Variants in MACF1 observed in about 807,000 individuals in gnomAD.
The protein encoded by MACF1 is microtubule actin crosslinking factor 1, also known as microtubule-actin cross-linking factor 1.
In MACF1, 193 loss-of-function variants were observed where a neutral mutation model predicts 854.8. The ratio of observed to expected loss-of-function variants is 0.23; its 90% CI spans 0.20 to 0.25. MACF1 has a LOEUF of 0.25. Among genes scored for constraint, MACF1 ranks in the 10% least tolerant of loss-of-function variants. The pLI is 1.00. For missense variants in MACF1, 7,722 were observed against 8,929.1 expected, an observed-to-expected ratio of 0.86 and a Z score of 5.45; for synonymous variants, 3,185 against 3,226.7, an observed-to-expected ratio of 0.99 and a Z score of 0.44.
chr1:39,220,319 C>T (rs564333105), intron 1 of MACF1, among the ~76,000 whole-genome samples: 40 of 149,794 alleles, frequency 2.7e-4, no homozygotes, highest in Admixed American at 7.3e-4. Context: ...ATTACAGGAG[C>T]GCACCACCTT....
Position 39,480,226 on chromosome 1 carries a change from T to C in MACF1, c.22170+217T>C. On this transcript the variant is annotated intron_variant, in intron 98 of 100. Coordinates refer to ENST00000564288, the MANE Select transcript of MACF1 (RefSeq NM_001394062.1). ...GCCTTTAAGATGACTCCAAAGGACA[T>C]TTATTAAAATATGCACTCAGCCTGG... 6.9e-6 allele frequency: 3 copies of C among 435,168 alleles called. No homozygotes were observed. The South Asian group carries it at 9.2e-5, about 13-fold the overall frequency. 27.0% of individuals were successfully genotyped at this position (435,168 alleles called of 1,614,324 possible).
chr1:39,085,239 T>A (rs1186098935), intron 2 of MACF1, among the ~76,000 whole-genome samples: 1 of 152,224 alleles, frequency 6.6e-6, no homozygotes, highest in Non-Finnish European at 1.5e-5. Context: ...CCTTGAAGGT[T>A]AGATGAAATA....
At chr1:39,090,670 G>A (rs1571025501) in intron 2 of MACF1, among the ~76,000 whole-genome samples, 1 of 152,230 alleles carries the variant, frequency 6.6e-6, no homozygotes, top group South Asian at 2.1e-4. Flanking sequence ...TGTTATGGGA[G>A]AAGCCTAGGC....
At chr1:39,180,612 C>T (rs1644091939) in intron 2 of MACF1, among the ~76,000 whole-genome samples, 1 of 152,140 alleles carries the variant, frequency 6.6e-6, no homozygotes, top group South Asian at 2.1e-4. Context: ...CGATACTCCA[C>T]CTCACACGCA....
intron 2 of MACF1, among the ~76,000 whole-genome samples, chr1:39,195,126 A>G (rs604993): frequency 0.95 from 145,180 of 152,278 alleles, 69,281 homozygotes; most frequent in East Asian, 1. Flanking sequence ...ACTGTTAAAG[A>G]TGGTTCGACA....
At chr1:39,443,918 A>T (rs1157432913) in intron 79 of MACF1, among the ~76,000 whole-genome samples, 1 of 152,232 alleles carries the variant, frequency 6.6e-6, no homozygotes, top group Admixed American at 6.5e-5. Flanking sequence ...GAAATCAAAT[A>T]GTTACCCGAC....
Position 39,285,085 on chromosome 1 carries a change from G to A in MACF1, c.1134G>A (p.Val378=). 3.7e-6 allele frequency: 6 copies of A among 1,614,178 alleles called. No individual in the cohort carries two copies. Among genetic ancestry groups the A allele is most frequent in the Non-Finnish European group, 5.1e-6 (6 of 1,180,022 alleles). Reference sequence around the variant, plus strand: ...GACTGAAAGAGTATCTGTTTCAGGTGTGGATTGAATTTGGCCGAATTAAAC... The same window carrying A: ...GACTGAAAGAGTATCTGTTTCAGGTATGGATTGAATTTGGCCGAATTAAAC... ...RIEELYKLLE[V]WIEFGRIKLP... is the part of the protein sequence containing the mutation. Residue 378 remains valine (V), a splice_region_variant and synonymous_variant, in exon 12 of 101, where the codon GTG becomes GTA. Transcript: ENST00000564288.
intron 2 of MACF1, among the ~76,000 whole-genome samples, chr1:39,118,004 T>C (rs1642590600): frequency 6.6e-6 from 1 of 152,208 alleles, no homozygotes; most frequent in African/African-American, 2.4e-5. Context: ...TCTGATATCC[T>C]TTCTAGTCAT....
intron 6 of MACF1, among the ~76,000 whole-genome samples, chr1:39,279,782 G>A (rs1645507744): frequency 6.6e-6 from 1 of 152,162 alleles, no homozygotes; most frequent in African/African-American, 2.4e-5. Context: ...TGGTTTGCCT[G>A]AGGTCACATT....
chr1:39,166,268 G>A (rs1425958401), intron 2 of MACF1, among the ~76,000 whole-genome samples: 3 of 151,636 alleles, frequency 2.0e-5, no homozygotes, highest in Admixed American at 6.6e-5. Flanking sequence ...GGGTTTCACC[G>A]TGTTCCCCAG....
chr1:39,341,346 T>C (rs61783383), intron 40 of MACF1, among the ~76,000 whole-genome samples: 90,180 of 151,240 alleles, frequency 0.6, 29,033 homozygotes, highest in South Asian at 0.78. Context: ...TTATCTTTCT[T>C]AGAAAGTCTG....
rs182841392 is a variant in MACF1 at position 39,184,692 on chromosome 1, T to C, written c.221-46490T>C. 2.0e-3 allele frequency among the ~76,000 whole-genome samples: 304 copies of C among 152,260 alleles called. 2 individuals are homozygous for C. The highest frequency in any genetic ancestry group is 7.1e-3 in the African/African-American group (294 of 41,536). ...AAGTTGGTTAGGTTATTCAGGCTGTTATTTATATTAAGATTGTGAAAGAGT... is the reference window on the plus strand; with the variant it reads ...AAGTTGGTTAGGTTATTCAGGCTGTCATTTATATTAAGATTGTGAAAGAGT... On this transcript the variant is annotated intron_variant, in intron 2 of 93. Coordinates refer to the MACF1 transcript ENST00000361689.
At chr1:39,124,943 T>C (rs1642820620) in intron 2 of MACF1, among the ~76,000 whole-genome samples, 1 of 152,208 alleles carries the variant, frequency 6.6e-6, no homozygotes, top group Admixed American at 6.5e-5. Context: ...TTTTCATGTA[T>C]TGCTATTGCT....
Position 39,332,502 on chromosome 1 carries a change from T to C in MACF1, c.5914T>C (p.Tyr1972His), listed in dbSNP as rs781269910. Residue 1972 changes from tyrosine to histidine, a missense_variant, in exon 37 of 101, where the codon TAT becomes CAT. By Grantham distance (83) the Tyr-to-His change is moderately conservative. Around this residue, in one of 15 missense-constraint regions of MACF1, gnomAD observed 1,531 missense variants for 1,601.6 expected, o/e 0.96. Coordinates refer to ENST00000564288, the MANE Select transcript of MACF1 (RefSeq NM_001394062.1). ...GTTGTTCCAGCTGATGACTCACAGC[T>C]ATATTAATGTGCAAAATGGACAGAG... Reference protein sequence around the residue: ...NLLFQLMTHSYINVQNGQRLL... With the variant: ...NLLFQLMTHSHINVQNGQRLL... 3.7e-6 allele frequency: 6 copies of C among 1,613,914 alleles called. No homozygotes were observed. The East Asian group carries it at 1.1e-4, about 30-fold the overall frequency.
chr1:39,243,393 G>T (rs1644947004), intron 2 of MACF1, among the ~76,000 whole-genome samples: 1 of 152,066 alleles, frequency 6.6e-6, no homozygotes, highest in Non-Finnish European at 1.5e-5. Flanking sequence ...GCTTCAGTTG[G>T]CTGCTTCTAA....
chr1:39,235,851 C>T (rs1035314295), intron 2 of MACF1, among the ~76,000 whole-genome samples: 67 of 152,320 alleles, frequency 4.4e-4, no homozygotes, highest in African/African-American at 1.3e-3. Flanking sequence ...CCTCCCACCA[C>T]AGCCTCCCAA....
chr1:39,108,460 A>G (rs1349902304), intron 2 of MACF1, among the ~76,000 whole-genome samples: 2 of 145,496 alleles, frequency 1.4e-5, no homozygotes, highest in Admixed American at 6.9e-5. Flanking sequence ...CTGAAACCCT[A>G]TTTGGATTTA....
At chr1:39,112,819 T>C (rs1372067108) in intron 2 of MACF1, among the ~76,000 whole-genome samples, 1 of 152,120 alleles carries the variant, frequency 6.6e-6, no homozygotes, top group Middle Eastern at 3.2e-3. Flanking sequence ...TGTTCTCAAA[T>C]ACAACCCTCT....
Position 39,296,801 on chromosome 1 carries a change from GAA to G in MACF1, c.2356-816_2356-815del, listed in dbSNP as rs1491178037. On this transcript the variant is annotated intron_variant, in intron 20 of 100. Transcript: ENST00000564288. ...GAAAGAAAGAAAGAAAGGAAGGAAG[GAA>G]AAGAAAGAAAGGAAGGAAGGAAGGA... 3.4e-4 allele frequency among the ~76,000 whole-genome samples: 11 copies of G among 31,900 alleles called. 1 individual carries two copies. The highest frequency in any genetic ancestry group is 8.7e-4 in the Non-Finnish European group (11 of 12,616). The allele number at this position is 31,900 out of a possible 152,430, so 20.9% of individuals were successfully genotyped here.
Sources: gnomAD v4.1 joint callset for allele counts (sites outside exome capture counted in the v4.1 genomes callset) on GRCh38, gnomAD v4.1.1 for gene constraint, gnomAD v4.1.1 regional missense constraint, MANE v1.5 for transcripts, NCBI Gene and HGNC (gene_info 2026-07-23, HGNC 2026-07-21) for gene names.